CENPP: variants seen among roughly 807,000 people sequenced by gnomAD.
CENPP encodes the protein centromere protein P.
In CENPP, 24 loss-of-function variants were observed where a neutral mutation model predicts 35.6. The observed-to-expected ratio is 0.67, with a 90% CI of 0.49 to 0.95. CENPP has a LOEUF of 0.95. Ranked by LOEUF, CENPP falls within the 40% of genes least tolerant of loss-of-function variation. The pLI is 0.00. For synonymous variants in CENPP, 120 were observed against 125.5 expected, an observed-to-expected ratio of 0.96 and a Z score of 0.29; for missense variants, 332 against 345.3, an observed-to-expected ratio of 0.96 and a Z score of 0.31.
intron 5 of CENPP, among the ~76,000 whole-genome samples, chr9:92,446,963 CT>C (rs1306986502): frequency 3.3e-5 from 5 of 151,544 alleles, no homozygotes; most frequent in Non-Finnish European, 5.9e-5. Flanking sequence ...TAAATCAGCA[CT>C]TTAGGTAAGA....
intron 4 of CENPP, among the ~76,000 whole-genome samples, chr9:92,348,118 T>TC: frequency 6.7e-6 from 1 of 149,870 alleles, no homozygotes; most frequent in Non-Finnish European, 1.5e-5. Context: ...CTTTCTTTTT[T>TC]TTTTTTTTTT....
chr9:92,612,354 C>G (rs1011929741), intron 6 of CENPP, among the ~76,000 whole-genome samples, 169 bp from the exon 7 acceptor site: 4 of 152,218 alleles, frequency 2.6e-5, no homozygotes, highest in Non-Finnish European at 5.9e-5. Flanking sequence ...TCCTGTGATC[C>G]TGGTTCCATT....
chr9:92,472,803 A>G (rs1258175519), intron 5 of CENPP, among the ~76,000 whole-genome samples: 1 of 152,220 alleles, frequency 6.6e-6, no homozygotes, highest in Non-Finnish European at 1.5e-5. Flanking sequence ...TGCCATTTTT[A>G]TGAACACAGG....
chr9:92,470,560 C>A, intron 5 of CENPP: 1 of 569,564 alleles, frequency 1.8e-6, no homozygotes, highest in Non-Finnish European at 2.9e-6. Flanking sequence ...TTTTGTCATT[C>A]TTTACAGAAA....
At chr9:92,407,692 A>G (rs558597709) in intron 5 of CENPP, among the ~76,000 whole-genome samples, 2 of 152,120 alleles carry the variant, frequency 1.3e-5, no homozygotes, top group African/African-American at 2.4e-5. Context: ...CTGCAGCCTC[A>G]ACTTTGTGGG....
intron 5 of CENPP, among the ~76,000 whole-genome samples, chr9:92,411,965 G>T (rs963744275): frequency 5.9e-5 from 9 of 152,124 alleles, no homozygotes; most frequent in Non-Finnish European, 8.8e-5. Flanking sequence ...CCTTGTGTTA[G>T]AGTGAGTTGT....
At chr9:92,517,417 T>C in intron 5 of CENPP, 1 of 579,174 alleles carries the variant, frequency 1.7e-6, no homozygotes, top group Non-Finnish European at 3.0e-6. Context: ...TGTTACCATA[T>C]CTCTAAAGCT....
At chr9:92,578,014 T>A (rs913176088) in intron 5 of CENPP, among the ~76,000 whole-genome samples, 1 of 144,530 alleles carries the variant, frequency 6.9e-6, no homozygotes, top group African/African-American at 2.6e-5. Context: ...GTGTTCTCAT[T>A]GTTCAGTTCC....
At chr9:92,477,746 C>T (rs1161744402) in intron 5 of CENPP, among the ~76,000 whole-genome samples, 1 of 152,060 alleles carries the variant, frequency 6.6e-6, no homozygotes, top group African/African-American at 2.4e-5. Context: ...AATAAAAAAC[C>T]CGCAACTCCT....
chr9:92,524,658 T>C (rs143281245), intron 5 of CENPP, among the ~76,000 whole-genome samples: 139 of 152,258 alleles, frequency 9.1e-4, no homozygotes, highest in African/African-American at 3.1e-3. Context: ...TTTCCTGAGA[T>C]GAAAAGCCTT....
intron 5 of CENPP, among the ~76,000 whole-genome samples, chr9:92,478,449 G>GT (rs1057328979): frequency 2.6e-5 from 4 of 151,918 alleles, no homozygotes; most frequent in African/African-American, 7.3e-5. Context: ...TTTTTTTGGG[G>GT]TTTTTTGTTT....
At chr9:92,416,015 AAT>A (rs1338581836) in intron 5 of CENPP, among the ~76,000 whole-genome samples, 1 of 143,648 alleles carries the variant, frequency 7.0e-6, no homozygotes, top group Admixed American at 7.2e-5. Flanking sequence ...TATAAAAGAG[AAT>A]ATATATTTTT....
At position 92,496,402 on chromosome 9, in the gene CENPP, A is replaced by G. The variant is rs754839581; in HGVS notation, c.565-114912A>G. The G allele has an allele frequency of 3.1e-6, 5 of 1,610,908 alleles. No individual in the cohort carries two copies. In the South Asian group the frequency reaches 4.4e-5, roughly 14 times the overall value. ...AAGATGGTATTTCTCTAATTTTAAT[A>G]TAATTGTTTTCAAGATGAAGATGTT... On this transcript the variant is annotated intron_variant, in intron 5 of 7. Transcript: ENST00000375587.
chr9:92,411,528 C>T lies in CENPP; in HGVS notation c.564+31669C>T, dbSNP rs527557808. ...CAGGCTGGTCTAGAACTCCTGGGCT[C>T]AAAGGATCAGCCCACCTCAGCCTCC... is the stretch of plus-strand genomic sequence containing the variant. On this transcript the variant is annotated intron_variant, in intron 5 of 7. Transcript: ENST00000375587. 2.5e-4 allele frequency among the ~76,000 whole-genome samples: 38 copies of T among 152,188 alleles called. No homozygotes were observed. The South Asian group carries it at 7.9e-3, about 32-fold the overall frequency.
chr9:92,572,300 T>A (rs1284787217), intron 5 of CENPP, among the ~76,000 whole-genome samples: 1 of 152,202 alleles, frequency 6.6e-6, no homozygotes, highest in Non-Finnish European at 1.5e-5. Context: ...ACAAAATCTC[T>A]CAGCATTTGT....
At chr9:92,566,032 G>C (rs1486058421) in intron 5 of CENPP, among the ~76,000 whole-genome samples, 1 of 152,186 alleles carries the variant, frequency 6.6e-6, no homozygotes, top group Non-Finnish European at 1.5e-5. Context: ...GCCAAGCGTG[G>C]TGGCTCATGC....
chr9:92,341,453 A>T (rs1841115603), intron 3 of CENPP, among the ~76,000 whole-genome samples: 1 of 152,082 alleles, frequency 6.6e-6, no homozygotes, highest in African/African-American at 2.4e-5. Context: ...CCAACGTGTG[A>T]TGTCTCCCCT....
At chr9:92,513,696 A>G (rs1158852768) in intron 5 of CENPP, among the ~76,000 whole-genome samples, 1 of 152,210 alleles carries the variant, frequency 6.6e-6, no homozygotes, top group African/African-American at 2.4e-5. Context: ...GTATTGTATG[A>G]TTCCACTTAT....
At chr9:92,338,399 C>T (rs895284410) in intron 3 of CENPP, among the ~76,000 whole-genome samples, 1 of 152,092 alleles carries the variant, frequency 6.6e-6, no homozygotes, top group Non-Finnish European at 1.5e-5. Flanking sequence ...CCAAAATCCA[C>T]GGATGCTCAA....
Sources: gnomAD v4.1 joint callset for allele counts (sites outside exome capture counted in the v4.1 genomes callset) on GRCh38, gnomAD v4.1.1 for gene constraint, MANE v1.5 for transcripts, NCBI Gene and HGNC (gene_info 2026-07-23, HGNC 2026-07-21) for gene names.